The following SF3A3 variants were observed in gnomAD, a reference collection of about 807,000 sequenced individuals.
SF3A3 encodes splicing factor 3a subunit 3, also known as SAP 61.
SF3A3 carries 9 observed loss-of-function variants against 85.8 expected under a neutral mutation model. The observed-to-expected ratio is 0.10, with a 90% CI of 0.06 to 0.18. The LOEUF is 0.18. SF3A3 is among the 10% of genes least tolerant of loss of function. The probability of loss-of-function intolerance (pLI) is 1.00; values close to 1 mark genes in which losing one functional copy is unlikely to be tolerated. For synonymous variants in SF3A3, 195 were observed against 204.4 expected, an observed-to-expected ratio of 0.95 and a Z score of 0.39; for missense variants, 306 against 593.3, an observed-to-expected ratio of 0.52 and a Z score of 5.03.
At chr1:37,966,029 C>T (rs192810824) in intron 15 of SF3A3, among the ~76,000 whole-genome samples, 164 of 151,788 alleles carry the variant, frequency 1.1e-3, no homozygotes, top group African/African-American at 3.5e-3. Flanking sequence ...GCTAAAACCC[C>T]GTCTCTACTA....
chr1:37,976,202 G>C (rs1379008375), intron 12 of SF3A3, among the ~76,000 whole-genome samples: 1 of 151,388 alleles, frequency 6.6e-6, no homozygotes, highest in East Asian at 1.9e-4. Context: ...CAGAAAGGCT[G>C]GTCTTCTGAA....
chr1:37,966,241 TAA>T (rs67524417), intron 15 of SF3A3, among the ~76,000 whole-genome samples: 2 of 150,072 alleles, frequency 1.3e-5, no homozygotes, highest in South Asian at 4.2e-4. Context: ...TAAATTAAAT[TAA>T]AAAAAAAGAA....
chr1:37,985,460 G>A (rs1260984981), intron 4 of SF3A3, among the ~76,000 whole-genome samples: 1 of 82,208 alleles, frequency 1.2e-5, no homozygotes, highest in African/African-American at 3.7e-5. Context: ...AATCAAAGGA[G>A]GGCAGGTATC....
rs530875296 is a variant in SF3A3, at chr1:37,979,645, C to T, written c.691-112G>A. ...CCAAGATAGGTGAATTGCTTGAGTT[C>T]AGGAGTTAGAGACCAGGCAGGGAAA... On this transcript the variant is annotated intron_variant, in intron 8 of 16. Coordinates refer to ENST00000373019, the MANE Select transcript of SF3A3 (RefSeq NM_006802.4). The T allele has an allele frequency of 3.3e-4, 220 of 675,140 alleles. 1 individual carries two copies. The highest frequency in any genetic ancestry group is 2.8e-3 in the Middle Eastern group (7 of 2,496). The allele number at this position is 675,140 out of a possible 1,614,324, so 41.8% of individuals were successfully genotyped here. A position where few individuals can be genotyped will look rare whatever the true frequency, so the allele number is the denominator to read the frequency against.
chr1:37,981,258 G>A (rs1570467412), intron 7 of SF3A3, among the ~76,000 whole-genome samples: 1 of 152,006 alleles, frequency 6.6e-6, no homozygotes, highest in African/African-American at 2.4e-5. Context: ...AAATACTAAG[G>A]TCTTAATTAC....
chr1:37,977,208 A>G (rs1646384843), intron 11 of SF3A3, among the ~76,000 whole-genome samples: 2 of 152,194 alleles, frequency 1.3e-5, no homozygotes, highest in South Asian at 4.1e-4. Flanking sequence ...TTACATTTCC[A>G]TCATTATAAT....
At position 37,969,814 on chromosome 1, in the gene SF3A3, T is replaced by G. The variant is rs541016692; in HGVS notation, c.1006-79A>C. 7.7e-5 allele frequency: 115 copies of G among 1,489,936 alleles called. 1 individual carries two copies. Among genetic ancestry groups the G allele is most frequent in the Middle Eastern group, 1.9e-4 (1 of 5,404 alleles). The allele number at this position is 1,489,936 out of a possible 1,614,324, so 92.3% of individuals were successfully genotyped here. A position where few individuals can be genotyped will look rare whatever the true frequency, so the allele number is the denominator to read the frequency against. On this transcript the variant is annotated intron_variant, in intron 12 of 16. Transcript: ENST00000373019. ...GGAAATTTCCTGTTTTCCTGTAACT[T>G]TTGCTGACCCCTTACTTCCAAGGAT...
rs868457605 is a variant in SF3A3, at chr1:37,966,765, G to A, written c.1372+1279C>T. On this transcript the variant is annotated intron_variant, in intron 15 of 16. Transcript: ENST00000373019. ...CAGCCTGACCAACATGGAGAAACCC[G>A]TCTCTACTAAAAGTACAAAATTAGC... Among the ~76,000 whole-genome samples the A allele has an allele frequency of 4.3e-4, 64 of 149,488 alleles. 1 individual carries two copies. The highest frequency in any genetic ancestry group is 7.3e-3 in the Middle Eastern group (2 of 274).
At chr1:37,976,081 T>C (rs1646377622) in intron 12 of SF3A3, among the ~76,000 whole-genome samples, 2 of 151,136 alleles carry the variant, frequency 1.3e-5, no homozygotes, top group Admixed American at 6.6e-5. Context: ...GCTTGAACCC[T>C]GGAGGTGGAG....
chr1:37,988,891 A>G (rs1436888341), intron 2 of SF3A3, among the ~76,000 whole-genome samples: 1 of 149,120 alleles, frequency 6.7e-6, no homozygotes, highest in Non-Finnish European at 1.5e-5. Context: ...ATATATATAT[A>G]TATATTTTTT....
intron 16 of SF3A3, 135 bp from the exon 17 acceptor site, chr1:37,958,398 G>A (rs1015683829): frequency 5.9e-6 from 4 of 677,938 alleles, no homozygotes; most frequent in African/African-American, 1.8e-5. Flanking sequence ...ATTCATCTAA[G>A]CCTTTCTCAA....
intron 12 of SF3A3, among the ~76,000 whole-genome samples, chr1:37,970,322 AT>A (rs199766179): frequency 0.082 from 12,070 of 147,070 alleles, 583 homozygotes; most frequent in Middle Eastern, 0.23. Context: ...AAAAAAAAAA[AT>A]ATGCACACAA....
At chr1:37,965,451 A>C (rs995640785) in intron 15 of SF3A3, among the ~76,000 whole-genome samples, 5 of 152,176 alleles carry the variant, frequency 3.3e-5, no homozygotes, top group Admixed American at 1.3e-4. Flanking sequence ...AACAGTTTCA[A>C]ATGACAGGTT....
intron 15 of SF3A3, among the ~76,000 whole-genome samples, chr1:37,964,877 A>G (rs899982948): frequency 6.6e-6 from 1 of 152,154 alleles, no homozygotes; most frequent in Non-Finnish European, 1.5e-5. Context: ...CATTCTCTTA[A>G]CATGAGCATG....
intron 15 of SF3A3, among the ~76,000 whole-genome samples, chr1:37,962,603 C>CAA (rs10562404): frequency 1.6e-3 from 126 of 80,168 alleles, no homozygotes; most frequent in Admixed American, 7.4e-3. Flanking sequence ...AACTCCATCT[C>CAA]AAAAAAAAAA....
chr1:37,982,670 C>A (rs537256440), intron 6 of SF3A3, among the ~76,000 whole-genome samples: 3 of 152,208 alleles, frequency 2.0e-5, no homozygotes, highest in Non-Finnish European at 4.4e-5. Context: ...CCGCGCCCGG[C>A]CTGTGATAAG....
chr1:37,978,614 C>G, intron 11 of SF3A3, 106 bp downstream of exon 11: 1 of 665,564 alleles, frequency 1.5e-6, no homozygotes, highest in Non-Finnish European at 2.6e-6. Flanking sequence ...CTCTGTCAAC[C>G]AATAACGGAG....
chr1:37,965,560 C>G (rs1445229985), intron 15 of SF3A3, among the ~76,000 whole-genome samples: 1 of 152,148 alleles, frequency 6.6e-6, no homozygotes, highest in Non-Finnish European at 1.5e-5. Flanking sequence ...TTAAGACCAG[C>G]CTGGGCAACA....
chr1:37,960,412 C>A, intron 15 of SF3A3: 2 of 479,618 alleles, frequency 4.2e-6, no homozygotes, highest in South Asian at 4.2e-5. Context: ...TAACCAAAGA[C>A]CTCCGAAAAC....
Sources: allele counts gnomAD v4.1 joint callset (sites outside exome capture counted in the v4.1 genomes callset), GRCh38; gene constraint gnomAD v4.1.1; transcripts MANE v1.5; gene names NCBI Gene and HGNC (gene_info 2026-07-23, HGNC 2026-07-21).